The following SLC7A2 variants were observed in gnomAD, a reference collection of about 807,000 sequenced individuals.
SLC7A2 encodes the protein solute carrier family 7 member 2, also known as cationic amino acid transporter 2.
SLC7A2 carries 48 observed loss-of-function variants against 58.9 expected under a neutral mutation model. The ratio of observed to expected loss-of-function variants is 0.82; its 90% CI spans 0.65 to 1.04. The LOEUF (loss-of-function observed/expected upper bound fraction) is 1.04, where lower values mean the gene tolerates loss of function less well. Among genes scored for constraint, SLC7A2 ranks in the 50% least tolerant of loss-of-function variants. The pLI, the probability that SLC7A2 is intolerant of heterozygous loss-of-function variation, is 0.00. For missense variants in SLC7A2, 1,029 were observed against 818.8 expected (o/e 1.26, Z -3.13); for synonymous variants, 363 against 314.5 (o/e 1.15, Z -1.63).
At position 17,567,411 on chromosome 8, in the gene SLC7A2, T is replaced by C. The variant is rs2705021; in HGVS notation, c.*2265T>C. 149,600 of 152,788 alleles carry C rather than the reference T, an allele frequency of 0.98. 73,328 individuals carry two copies. Among genetic ancestry groups the C allele is most frequent in the Middle Eastern group, 1 (294 of 294 alleles). The allele number at this position is 152,788 out of a possible 1,614,324, so 9.5% of individuals were successfully genotyped here. On this transcript the variant is annotated 3_prime_UTR_variant, in exon 13 of 13. Transcript: ENST00000494857. ...ACTGTGCTCAATTTGAAGCAGAATT[T>C]AGTGAAAAATTATTTTTCCACATTG...
intron 1 of SLC7A2, chr8:17,500,143 G>C (rs1800095506): frequency 6.6e-6 from 1 of 152,190 alleles, no homozygotes; most frequent in African/African-American, 2.4e-5. Context: ...TGGATTTTAA[G>C]AGCAGTTTTT....
At chr8:17,529,766 G>A (rs572796947) in intron 2 of SLC7A2, among the ~76,000 whole-genome samples, 2 of 152,032 alleles carry the variant, frequency 1.3e-5, no homozygotes, top group African/African-American at 4.8e-5. Flanking sequence ...CGAACTCCTG[G>A]CCTCAAGTAA....
chr8:17,556,957 T>C lies in SLC7A2; in HGVS notation c.1196-1338T>C, dbSNP rs1443683035. On this transcript the variant is annotated intron_variant, in intron 8 of 12. Coordinates refer to ENST00000494857, the MANE Select transcript of SLC7A2 (RefSeq NM_001370338.1). ...CAGTGTGTTAAAAGAAACACTGTGA[T>C]CTTGTAGAAGGAACATGGGGCTGTT... Among the ~76,000 whole-genome samples the C allele has an allele frequency of 2.6e-5, 4 of 152,256 alleles. 1 individual carries two copies. Among genetic ancestry groups the C allele is most frequent in the African/African-American group, 9.6e-5 (4 of 41,552 alleles).
chr8:17,538,772 A>G (rs1019159697), intron 2 of SLC7A2: 13 of 1,607,274 alleles, frequency 8.1e-6, no homozygotes, highest in Non-Finnish European at 1.0e-5. Context: ...TTTTTTTTCC[A>G]TCAGTCCCAA....
chr8:17,508,105 A>T (rs1187791678), intron 2 of SLC7A2, among the ~76,000 whole-genome samples: 2 of 151,986 alleles, frequency 1.3e-5, no homozygotes, highest in African/African-American at 4.8e-5. Flanking sequence ...TTAAAAAAAA[A>T]AGCTATTTGA....
intron 2 of SLC7A2, among the ~76,000 whole-genome samples, chr8:17,504,071 A>T (rs76742701): frequency 0.011 from 1,685 of 152,320 alleles, 35 homozygotes; most frequent in African/African-American, 0.037. Context: ...TGAGATTTCG[A>T]TTTCAACTCA....
At chr8:17,513,051 G>A (rs1404251025) in intron 2 of SLC7A2, among the ~76,000 whole-genome samples, 2 of 152,062 alleles carry the variant, frequency 1.3e-5, no homozygotes, top group Non-Finnish European at 2.9e-5. Flanking sequence ...TAGACACTTG[G>A]GTTGCTTCCA....
At chr8:17,544,862 C>T (rs889997073) in intron 4 of SLC7A2, among the ~76,000 whole-genome samples, 5 of 152,142 alleles carry the variant, frequency 3.3e-5, no homozygotes, top group African/African-American at 9.7e-5. Context: ...AGGATGAGGA[C>T]ATTGATTTTT....
chr8:17,500,799 T>TACAC (rs60002166), intron 1 of SLC7A2, among the ~76,000 whole-genome samples: 2,503 of 146,052 alleles, frequency 0.017, 28 homozygotes, highest in African/African-American at 0.028. Context: ...AACACACACA[T>TACAC]ACACACACAC....
rs116209140 is a variant in SLC7A2 at position 17,517,726 on chromosome 8, A to G, written c.-23+15424A>G. Among the ~76,000 whole-genome samples, 1,091 of 152,266 alleles carry G rather than the reference A, an allele frequency of 7.2e-3. 16 individuals carry two copies. The highest frequency in any genetic ancestry group is 0.025 in the African/African-American group (1,038 of 41,548). ...TCATGAATTTGAAAAGTTAAAATCT[A>G]TTGGAGATGAAGTTTTACAATTCTG... On this transcript the variant is annotated intron_variant, in intron 2 of 12. Transcript: ENST00000494857.
At chr8:17,523,058 A>G (rs912476937) in intron 2 of SLC7A2, among the ~76,000 whole-genome samples, 2 of 152,074 alleles carry the variant, frequency 1.3e-5, no homozygotes, top group East Asian at 1.9e-4. Context: ...ATAAACCTAG[A>G]TGATGGGTTA....
intron 1 of SLC7A2, chr8:17,499,905 C>G (rs1800087180): frequency 6.6e-6 from 1 of 152,130 alleles, no homozygotes; most frequent in African/African-American, 2.4e-5. Context: ...ATTTTAGTAC[C>G]TAATATAGTA....
At chr8:17,494,529 G>T (rs968060118), upstream of SLC7A2, among the ~76,000 whole-genome samples, 1 of 152,188 alleles carries the variant, frequency 6.6e-6, no homozygotes, top group Non-Finnish European at 1.5e-5. Flanking sequence ...CTGGGAAAAA[G>T]ATGCTAATTC....
At chr8:17,535,942 C>G (rs1441681116) in intron 2 of SLC7A2, among the ~76,000 whole-genome samples, 5 of 151,932 alleles carry the variant, frequency 3.3e-5, no homozygotes, top group Non-Finnish European at 7.4e-5. Flanking sequence ...CAAAAGATAG[C>G]CCACTAACAT....
intron 4 of SLC7A2, among the ~76,000 whole-genome samples, chr8:17,547,785 A>T (rs1585246615): frequency 6.9e-6 from 1 of 144,710 alleles, no homozygotes; most frequent in Non-Finnish European, 1.5e-5. Context: ...GGCACAAAAG[A>T]GTGTGTGTGT....
chr8:17,553,880 C>A (rs1426246304), intron 7 of SLC7A2, among the ~76,000 whole-genome samples: 1 of 152,160 alleles, frequency 6.6e-6, no homozygotes, highest in Non-Finnish European at 1.5e-5. Context: ...AATGGTGCAG[C>A]TAGTAAACAA....
Position 17,569,691 on chromosome 8 carries a change from G to A in SLC7A2, c.*4545G>A, listed in dbSNP as rs893686806. Reference sequence around the variant, plus strand: ...TTATTGTTTGTATATACACGGTTTAGTCTTACTGATTTCAAATGCATTTTG... The same window carrying A: ...TTATTGTTTGTATATACACGGTTTAATCTTACTGATTTCAAATGCATTTTG... On this transcript the variant is annotated 3_prime_UTR_variant, in exon 13 of 13. Coordinates refer to ENST00000494857, the MANE Select transcript of SLC7A2 (RefSeq NM_001370338.1). The A allele has an allele frequency of 2.0e-5, 3 of 152,124 alleles. No homozygotes were observed. The highest frequency in any genetic ancestry group is 2.9e-5 in the Non-Finnish European group (2 of 68,020). 9.4% of individuals were successfully genotyped at this position (152,124 alleles called of 1,614,324 possible).
chr8:17,554,669 A>G lies in SLC7A2; in HGVS notation c.1165A>G (p.Ile389Val), dbSNP rs1134965. The G allele has an allele frequency of 1.2e-6, 2 of 1,612,648 alleles. No individual in the cohort carries two copies. Among genetic ancestry groups the G allele is most frequent in the African/African-American group, 2.7e-5 (2 of 74,886 alleles). ...CAATTCCAAAACGAAGACACCAATA[A>G]TTGCTACTTTATCATCGGGTGCAGT... ...QINSKTKTPI[I>V]ATLSSGAVAA... Residue 389 changes from isoleucine (I) to valine (V), a missense_variant, in exon 8 of 13, where the codon ATT (isoleucine) becomes GTT (valine). By Grantham distance (29) the Ile-to-Val change is conservative. Coordinates refer to ENST00000494857, the MANE Select transcript of SLC7A2 (RefSeq NM_001370338.1).
chr8:17,530,787 G>C (rs971138196), intron 2 of SLC7A2, among the ~76,000 whole-genome samples: 1 of 152,008 alleles, frequency 6.6e-6, no homozygotes, highest in African/African-American at 2.4e-5. Flanking sequence ...GGTCAGGCTG[G>C]TCTCAAACTC....
Sources: allele counts gnomAD v4.1 joint callset (sites outside exome capture counted in the v4.1 genomes callset), GRCh38; gene constraint gnomAD v4.1.1; transcripts MANE v1.5; gene names NCBI Gene and HGNC (gene_info 2026-07-23, HGNC 2026-07-21).